The following FBXW11 variants were observed in gnomAD, a reference collection of about 807,000 sequenced individuals.
The protein encoded by FBXW11 is F-box/WD repeat-containing protein 11.
In FBXW11, 19 loss-of-function variants were observed where a neutral mutation model predicts 77.6. The ratio of observed to expected loss-of-function variants is 0.24; its 90% CI spans 0.17 to 0.36. The LOEUF (loss-of-function observed/expected upper bound fraction) is 0.36. FBXW11 is among the 10% of genes least tolerant of loss of function. FBXW11 has a pLI of 1.00. For synonymous variants in FBXW11, 235 were observed against 249.4 expected (o/e 0.94, Z 0.54); for missense variants, 334 against 704.2 (o/e 0.47, Z 5.95).
intron 1 of FBXW11, among the ~76,000 whole-genome samples, chr5:171,996,300 T>C (rs1766041291): frequency 6.6e-6 from 1 of 152,220 alleles, no homozygotes; most frequent in Non-Finnish European, 1.5e-5. Context: ...TACAAGCTAT[T>C]CCCTAAACAA....
At chr5:171,898,913 C>A (rs928782994) in intron 6 of FBXW11, 91 bp downstream of exon 6, 2 of 722,174 alleles carry the variant, frequency 2.8e-6, no homozygotes, top group East Asian at 2.8e-5. Flanking sequence ...ATTAGTTCTA[C>A]GATTTTAGAC....
chr5:171,914,319 T>C, intron 3 of FBXW11, 24 bp downstream of exon 3: 3 of 1,590,102 alleles, frequency 1.9e-6, no homozygotes, highest in Non-Finnish European at 2.6e-6. Flanking sequence ...AGTTGCTATC[T>C]AATCTGTGCG....
rs1276510996 is a variant in FBXW11, at chr5:171,872,862, T to A, written c.1340+10A>T. 6.2e-7 allele frequency: 1 copy of A among 1,606,434 alleles called. No individual in the cohort carries two copies. Among genetic ancestry groups the A allele is most frequent in the Admixed American group, 1.7e-5 (1 of 59,898 alleles). ...CAGCCTGCTCTGTCAGCACACCAAC[T>A]TCTACCCACCTAATGGTATTATCTG... On this transcript the variant is annotated intron_variant, in intron 10 of 13. Coordinates refer to ENST00000517395, the MANE Select transcript of FBXW11 (RefSeq NM_001378974.1).
intron 2 of FBXW11, among the ~76,000 whole-genome samples, chr5:171,941,621 A>C (rs1304216844): frequency 6.6e-6 from 1 of 151,706 alleles, no homozygotes; most frequent in Non-Finnish European, 1.5e-5. Flanking sequence ...TTACAGCATG[A>C]GAGAAGCATT....
chr5:171,872,154 C>T (rs532522187), intron 10 of FBXW11, among the ~76,000 whole-genome samples: 36 of 152,214 alleles, frequency 2.4e-4, no homozygotes, highest in African/African-American at 7.0e-4. Context: ...CAATTATAAA[C>T]GCCAAAGTTT....
At chr5:171,952,554 G>T (rs1264254291) in intron 2 of FBXW11, among the ~76,000 whole-genome samples, 1 of 143,980 alleles carries the variant, frequency 6.9e-6, no homozygotes, top group Non-Finnish European at 1.5e-5. Context: ...CTGGGTTCAA[G>T]CAATTCTCCT....
At chr5:171,920,510 G>C (rs1282835782) in intron 2 of FBXW11, among the ~76,000 whole-genome samples, 2 of 151,272 alleles carry the variant, frequency 1.3e-5, no homozygotes, top group Non-Finnish European at 2.9e-5. Context: ...AGGACTGCCT[G>C]AGGCGAGGAG....
intron 8 of FBXW11, among the ~76,000 whole-genome samples, chr5:171,877,239 T>A (rs566813069): frequency 6.6e-6 from 1 of 152,072 alleles, no homozygotes; most frequent in Non-Finnish European, 1.5e-5. Context: ...TTCCTCTAGA[T>A]AGTAGATTTT....
At chr5:171,967,754 G>A (rs1003764482) in intron 1 of FBXW11, among the ~76,000 whole-genome samples, 9 of 151,132 alleles carry the variant, frequency 6.0e-5, no homozygotes, top group Non-Finnish European at 8.8e-5. Context: ...CAGGAGAATC[G>A]CTTGAACCCG....
intron 1 of FBXW11, among the ~76,000 whole-genome samples, chr5:171,983,599 G>A (rs1033005261): frequency 6.6e-6 from 1 of 152,100 alleles, no homozygotes; most frequent in Non-Finnish European, 1.5e-5. Flanking sequence ...GCTGGTGCCC[G>A]CTGCAGAACT....
At chr5:172,002,414 A>G (rs1020040465) in intron 1 of FBXW11, among the ~76,000 whole-genome samples, 13 of 144,068 alleles carry the variant, frequency 9.0e-5, no homozygotes, top group Admixed American at 6.2e-4. Context: ...TTTTATATAA[A>G]TGTGTGTGTG....
intron 2 of FBXW11, among the ~76,000 whole-genome samples, chr5:171,936,346 C>G (rs1355768865): frequency 2.0e-5 from 3 of 151,340 alleles, no homozygotes; most frequent in African/African-American, 7.3e-5. Flanking sequence ...TAAAAATTAG[C>G]CAGATGTGGT....
At chr5:171,957,472 G>T (rs1763676320) in intron 2 of FBXW11, 125 bp downstream of exon 2, 1 of 924,514 alleles carries the variant, frequency 1.1e-6, no homozygotes, top group Non-Finnish European at 1.7e-6. Flanking sequence ...CAGGCTGGAG[G>T]AAAGCAGAGG....
intron 1 of FBXW11, among the ~76,000 whole-genome samples, chr5:171,964,329 G>T (rs918896377): frequency 7.9e-5 from 12 of 152,226 alleles, no homozygotes; most frequent in Non-Finnish European, 8.8e-5. Flanking sequence ...ATTTCATGGG[G>T]TAACCATTTG....
At chr5:171,967,974 A>G (rs1356364315) in intron 1 of FBXW11, among the ~76,000 whole-genome samples, 2 of 151,744 alleles carry the variant, frequency 1.3e-5, no homozygotes, top group East Asian at 3.9e-4. Flanking sequence ...TTGGGCTGCC[A>G]TATTTTTTCA....
intron 4 of FBXW11, among the ~76,000 whole-genome samples, chr5:171,901,823 C>A (rs185947621): frequency 6.6e-6 from 1 of 152,206 alleles, no homozygotes; most frequent in East Asian, 1.9e-4. Context: ...ACCTTCAAAG[C>A]TTTGTCTGAC....
chr5:171,980,787 A>C (rs978292627), intron 1 of FBXW11, among the ~76,000 whole-genome samples: 2 of 152,204 alleles, frequency 1.3e-5, no homozygotes, highest in Non-Finnish European at 2.9e-5. Context: ...CACAAAATAT[A>C]CATCTTGTGA....
At chr5:171,929,955 C>G (rs1021026141) in intron 2 of FBXW11, among the ~76,000 whole-genome samples, 2 of 152,106 alleles carry the variant, frequency 1.3e-5, no homozygotes, top group Admixed American at 1.3e-4. Context: ...ACGTAAAGCT[C>G]AAGCTCTCAG....
At chr5:171,895,136 T>C (rs839297) in intron 6 of FBXW11, among the ~76,000 whole-genome samples, 3,706 of 152,244 alleles carry the variant, frequency 0.024, 85 homozygotes, top group African/African-American at 0.058. Flanking sequence ...CAGGTGCACC[T>C]CTTTATATGG....
Sources: allele counts gnomAD v4.1 joint callset (sites outside exome capture counted in the v4.1 genomes callset), GRCh38; gene constraint gnomAD v4.1.1; transcripts MANE v1.5; gene names NCBI Gene and HGNC (gene_info 2026-07-23, HGNC 2026-07-21).